Variants in VAV3 observed in about 807,000 individuals in gnomAD.
VAV3 encodes the protein vav guanine nucleotide exchange factor 3.
VAV3 carries 94 observed loss-of-function variants against 131.2 expected under a neutral mutation model. That is an observed-to-expected ratio of 0.72 (90% CI 0.61 to 0.85). VAV3 has a LOEUF of 0.85. Ranked by LOEUF, VAV3 falls within the 40% of genes least tolerant of loss-of-function variation. The pLI, the probability that VAV3 is intolerant of heterozygous loss-of-function variation, is 0.00. For synonymous variants in VAV3, 349 were observed against 342.0 expected, an observed-to-expected ratio of 1.02 and a Z score of -0.22; for missense variants, 939 against 1,002.7, an observed-to-expected ratio of 0.94 and a Z score of 0.86.
chr1:107,757,129 G>T, intron 11 of VAV3, 132 bp downstream of exon 11: 1 of 576,034 alleles, frequency 1.7e-6, no homozygotes, highest in Non-Finnish European at 2.9e-6. Context: ...ATATATATAT[G>T]TTTGTGTATA....
At chr1:107,764,899 G>T (rs995728986) in intron 9 of VAV3, among the ~76,000 whole-genome samples, 177 bp downstream of exon 9, 1 of 152,012 alleles carries the variant, frequency 6.6e-6, no homozygotes, top group Non-Finnish European at 1.5e-5. Flanking sequence ...GATTTTTAAC[G>T]ACTGTTACTA....
At chr1:107,666,173 A>G (rs1657393579) in intron 19 of VAV3, among the ~76,000 whole-genome samples, 2 of 152,184 alleles carry the variant, frequency 1.3e-5, no homozygotes, top group Admixed American at 6.5e-5. Flanking sequence ...AGATGTGAAC[A>G]GGTATTTGAA....
At chr1:107,781,892 A>G (rs1248148569) in intron 2 of VAV3, among the ~76,000 whole-genome samples, 1 of 152,188 alleles carries the variant, frequency 6.6e-6, no homozygotes, top group African/African-American at 2.4e-5. Context: ...ATACTAATAA[A>G]TTTATCAAAA....
At chr1:107,815,148 T>C (rs1327610147) in intron 2 of VAV3, among the ~76,000 whole-genome samples, 1 of 152,216 alleles carries the variant, frequency 6.6e-6, no homozygotes, top group Non-Finnish European at 1.5e-5. Context: ...TGTATCTGAA[T>C]CACCTTCCCA....
intron 19 of VAV3, among the ~76,000 whole-genome samples, chr1:107,664,242 T>C (rs1264892212): frequency 6.6e-6 from 1 of 152,164 alleles, no homozygotes; most frequent in African/African-American, 2.4e-5. Context: ...TGCAGGTTTG[T>C]TACATAAGTA....
At chr1:107,934,873 A>G (rs985859539) in intron 1 of VAV3, among the ~76,000 whole-genome samples, 2 of 152,266 alleles carry the variant, frequency 1.3e-5, no homozygotes, top group African/African-American at 4.8e-5. Flanking sequence ...CAGCGAGGCA[A>G]ATGAGAGGAG....
intron 9 of VAV3, among the ~76,000 whole-genome samples, chr1:107,761,083 T>C (rs140289827): frequency 8.6e-4 from 131 of 152,316 alleles, no homozygotes; most frequent in African/African-American, 2.9e-3. Flanking sequence ...AAGAGAACTA[T>C]TTTGTGTATG....
At position 107,687,619 on chromosome 1, in the gene VAV3, TTGTC is replaced by T. The variant is rs1225680596; in HGVS notation, c.1731+758_1731+761del. Among the ~76,000 whole-genome samples the T allele has an allele frequency of 2.6e-5, 4 of 152,142 alleles. No homozygotes were observed. The South Asian group carries it at 6.2e-4, about 24-fold the overall frequency. On this transcript the variant is annotated intron_variant, in intron 18 of 26. Transcript: ENST00000370056. ...TTTTGGTTGAAGGTCAAGGCAATGA[TTGTC>T]TGGGAACCATTAAAATCTTTTCTGT...
chr1:107,876,874 G>A (rs1162098926), intron 1 of VAV3, among the ~76,000 whole-genome samples: 1 of 152,086 alleles, frequency 6.6e-6, no homozygotes, highest in African/African-American at 2.4e-5. Context: ...CAACGTATTA[G>A]CTAATTATTG....
chr1:107,800,974 A>C (rs1666801849), intron 2 of VAV3, among the ~76,000 whole-genome samples: 1 of 152,164 alleles, frequency 6.6e-6, no homozygotes, highest in Admixed American at 6.6e-5. Context: ...TTAAGTCTTT[A>C]ATCCATTTTG....
At chr1:107,939,744 G>A (rs1313124310) in intron 1 of VAV3, among the ~76,000 whole-genome samples, 1 of 152,126 alleles carries the variant, frequency 6.6e-6, no homozygotes, top group East Asian at 1.9e-4. Context: ...GATTTAGTTG[G>A]TGAAGTGATC....
At chr1:107,787,218 C>T (rs900320175) in intron 2 of VAV3, among the ~76,000 whole-genome samples, 2 of 152,172 alleles carry the variant, frequency 1.3e-5, no homozygotes, top group Non-Finnish European at 2.9e-5. Flanking sequence ...TTGCTCTTTC[C>T]ACTTCACTAC....
At chr1:107,767,168 A>G (rs1480684796) in intron 7 of VAV3, among the ~76,000 whole-genome samples, 20 of 152,244 alleles carry the variant, frequency 1.3e-4, no homozygotes, top group Non-Finnish European at 1.5e-5. Context: ...AAATCAGGCA[A>G]CTAATGGCAT....
At chr1:107,741,132 A>C (rs1662997000) in intron 15 of VAV3, among the ~76,000 whole-genome samples, 1 of 152,248 alleles carries the variant, frequency 6.6e-6, no homozygotes, top group Non-Finnish European at 1.5e-5. Context: ...AGCTTCATGC[A>C]GATACTGTAG....
At chr1:107,808,316 C>G (rs994915838) in intron 2 of VAV3, among the ~76,000 whole-genome samples, 1 of 152,036 alleles carries the variant, frequency 6.6e-6, no homozygotes, top group Non-Finnish European at 1.5e-5. Context: ...GAAGAAAGTT[C>G]TTTTAATGAA....
At chr1:107,899,441 A>C (rs1158324439) in intron 1 of VAV3, among the ~76,000 whole-genome samples, 5 of 152,204 alleles carry the variant, frequency 3.3e-5, no homozygotes, top group African/African-American at 1.2e-4. Flanking sequence ...AGCAAAGAGA[A>C]GCAGGAATAA....
chr1:107,803,212 T>G (rs922664530), intron 2 of VAV3, among the ~76,000 whole-genome samples: 3 of 151,984 alleles, frequency 2.0e-5, no homozygotes, highest in African/African-American at 7.2e-5. Flanking sequence ...TTGTATTCAT[T>G]TGGGCCTTCT....
At chr1:107,687,207 T>G (rs957111735) in intron 18 of VAV3, among the ~76,000 whole-genome samples, 6 of 152,098 alleles carry the variant, frequency 3.9e-5, no homozygotes, top group African/African-American at 1.4e-4. Context: ...TGGTCTAGAC[T>G]TTAGGTTTTA....
chr1:107,630,094 T>C (rs891394303), intron 20 of VAV3, among the ~76,000 whole-genome samples: 2 of 152,228 alleles, frequency 1.3e-5, no homozygotes, highest in African/African-American at 2.4e-5. Context: ...GATTTTTATC[T>C]ATAGGTTTAA....
Sources: gnomAD v4.1 joint callset for allele counts (sites outside exome capture counted in the v4.1 genomes callset) on GRCh38, gnomAD v4.1.1 for gene constraint, MANE v1.5 for transcripts, NCBI Gene and HGNC (gene_info 2026-07-23, HGNC 2026-07-21) for gene names.